The following CALN1 variants were observed in gnomAD, a reference collection of about 807,000 sequenced individuals.
CALN1 encodes the protein calcium-binding protein 8.
Under a neutral mutation model 30.6 loss-of-function variants are expected in CALN1, and 17 were observed. The ratio of observed to expected loss-of-function variants is 0.56; its 90% CI spans 0.38 to 0.83. The LOEUF is 0.83. CALN1 is among the 40% of genes least tolerant of loss of function. The pLI is 0.00. For missense variants in CALN1, 291 were observed against 354.9 expected, an observed-to-expected ratio of 0.82 and a Z score of 1.45; for synonymous variants, 156 against 131.4, an observed-to-expected ratio of 1.19 and a Z score of -1.28.
rs76607882 is a variant in CALN1, at chr7:72,412,127, T to G, written c.-143A>C. 6.6e-6 allele frequency: 1 copy of G among 152,592 alleles called. No individual in the cohort carries two copies. The highest frequency in any genetic ancestry group is 1.9e-4 in the South Asian group (1 of 5,164). The allele number at this position is 152,592 out of a possible 1,614,324, so 9.5% of individuals were successfully genotyped here. ...GACTTTAAGAATAAAACCACGGACC[T>G]CGCGGTGAGTGTTACAGCTCTTAAA... On this transcript the variant is annotated 5_prime_UTR_variant, in exon 1 of 7. Transcript: ENST00000395275.
At chr7:72,177,682 T>C (rs770502352) in intron 3 of CALN1, among the ~76,000 whole-genome samples, 1 of 150,946 alleles carries the variant, frequency 6.6e-6, no homozygotes, top group Admixed American at 6.6e-5. Context: ...GGAGGATCAC[T>C]TGAACCTGAG....
chr7:72,476,044 G>T, the CALN1 span, among the ~76,000 whole-genome samples: 1 of 148,862 alleles, frequency 6.7e-6, no homozygotes, highest in East Asian at 2.0e-4. Context: ...TGCCTCCCGG[G>T]TTCAAGAGAT....
upstream of CALN1, among the ~76,000 whole-genome samples, chr7:72,449,767 C>G (rs1035530326): frequency 6.6e-6 from 1 of 150,398 alleles, no homozygotes; most frequent in Non-Finnish European, 1.5e-5. Context: ...CCCAGCTACT[C>G]AGGAGGCTGA....
At chr7:72,380,332 T>A (rs747880323) in intron 2 of CALN1, among the ~76,000 whole-genome samples, 6 of 152,158 alleles carry the variant, frequency 3.9e-5, no homozygotes, top group Non-Finnish European at 8.8e-5. Flanking sequence ...AAGAGCCTAT[T>A]CCATCTTAAG....
chr7:71,839,831 C>T (rs1789829320), intron 5 of CALN1, among the ~76,000 whole-genome samples: 1 of 152,162 alleles, frequency 6.6e-6, no homozygotes. Flanking sequence ...CCTTCCCTGA[C>T]CTAGCATCAC....
At chr7:72,073,907 T>A (rs1804564507) in intron 4 of CALN1, among the ~76,000 whole-genome samples, 1 of 152,156 alleles carries the variant, frequency 6.6e-6, no homozygotes, top group Admixed American at 6.6e-5. Flanking sequence ...GTTGTCCAGG[T>A]CAGTCTTGAA....
intron 5 of CALN1, among the ~76,000 whole-genome samples, chr7:71,832,826 G>A (rs887249528): frequency 6.0e-5 from 9 of 149,714 alleles, no homozygotes; most frequent in Admixed American, 5.4e-4. Flanking sequence ...GGCTGGTCTC[G>A]AACTCCTGAG....
chr7:72,092,053 T>A (rs1282967038), intron 4 of CALN1, among the ~76,000 whole-genome samples: 1 of 152,204 alleles, frequency 6.6e-6, no homozygotes, highest in Non-Finnish European at 1.5e-5. Context: ...TATCAAGTAT[T>A]CTTTTTAAAA....
At chr7:71,989,530 G>C (rs1039198131) in intron 5 of CALN1, among the ~76,000 whole-genome samples, 5 of 151,796 alleles carry the variant, frequency 3.3e-5, no homozygotes, top group African/African-American at 1.2e-4. Context: ...CCGTGTGTCT[G>C]AGAAACGATG....
chr7:72,295,319 TACTTA>T (rs1270706117), intron 2 of CALN1, among the ~76,000 whole-genome samples: 1 of 149,960 alleles, frequency 6.7e-6, no homozygotes, highest in African/African-American at 2.5e-5. Flanking sequence ...ACAAAAACAA[TACTTA>T]TTTTTTTTAA....
intron 5 of CALN1, among the ~76,000 whole-genome samples, chr7:71,937,237 G>T (rs1210587693): frequency 6.6e-6 from 1 of 151,948 alleles, no homozygotes; most frequent in Non-Finnish European, 1.5e-5. Flanking sequence ...TTGAACCCGG[G>T]AGACAGAGGT....
At chr7:72,328,158 G>A (rs1054791814) in intron 2 of CALN1, among the ~76,000 whole-genome samples, 1 of 151,808 alleles carries the variant, frequency 6.6e-6, no homozygotes, top group Non-Finnish European at 1.5e-5. Context: ...AATGTCTTAA[G>A]CACAAAACAG....
rs1472522294 is a variant in CALN1, at chr7:72,412,147, C to T, written c.-163G>A. ...GGACCTCGCGGTGAGTGTTACAGCT[C>T]TTAAAGATGGCGCGTCCGGAGTCGT... On this transcript the variant is annotated 5_prime_UTR_variant, in exon 1 of 7. Coordinates refer to ENST00000395275, the MANE Select transcript of CALN1 (RefSeq NM_031468.4). The T allele has an allele frequency of 1.3e-5, 2 of 152,684 alleles. No homozygotes were observed. The highest frequency in any genetic ancestry group is 2.4e-5 in the African/African-American group (1 of 41,348). The allele number at this position is 152,684 out of a possible 1,614,324, so 9.5% of individuals were successfully genotyped here. A position where few individuals can be genotyped will look rare whatever the true frequency, so the allele number is the denominator to read the frequency against.
chr7:72,501,833 C>G, the CALN1 span, among the ~76,000 whole-genome samples: 105 of 143,968 alleles, frequency 7.3e-4, no homozygotes, highest in African/African-American at 2.7e-3. Context: ...CGCTTGAAAC[C>G]AGGAGGTGGA....
rs1585539741 is a variant in CALN1, at chr7:72,340,931, C to T, written c.120-62121G>A. Among the ~76,000 whole-genome samples, 3 of 152,172 alleles carry T rather than the reference C, an allele frequency of 2.0e-5. No homozygotes were observed. The East Asian group carries it at 5.8e-4, about 29-fold the overall frequency. ...TGTGTCTGTGCCTTTGGCCTTCCCC[C>T]GTGATTGTGAGGCCTCCCCAGCCAT... On this transcript the variant is annotated intron_variant, in intron 2 of 6. Coordinates refer to ENST00000395275, the MANE Select transcript of CALN1 (RefSeq NM_031468.4).
At chr7:72,179,650 A>G (rs180740758) in intron 3 of CALN1, among the ~76,000 whole-genome samples, 1 of 152,322 alleles carries the variant, frequency 6.6e-6, no homozygotes, top group Non-Finnish European at 1.5e-5. Context: ...CTTGCTCAAA[A>G]TGACAGATAA....
intron 2 of CALN1, among the ~76,000 whole-genome samples, chr7:72,306,887 T>A (rs1799692794): frequency 6.6e-6 from 1 of 152,148 alleles, no homozygotes; most frequent in African/African-American, 2.4e-5. Context: ...TCAGAATAAA[T>A]CTTTTCAGGT....
intron 5 of CALN1, among the ~76,000 whole-genome samples, chr7:71,881,093 C>G (rs754186725): frequency 1.3e-5 from 2 of 152,214 alleles, no homozygotes; most frequent in Non-Finnish European, 2.9e-5. Context: ...CGGAATTCAT[C>G]TTTCTCCCGT....
At chr7:72,349,323 T>TGTGTGTGTGTGTGTGTGTG (rs1802808476) in intron 2 of CALN1, among the ~76,000 whole-genome samples, 1 of 121,596 alleles carries the variant, frequency 8.2e-6, no homozygotes, top group African/African-American at 3.0e-5. Flanking sequence ...TGTGTGTGTG[T>TGTGTGTGTGTGTGTGTGTG]TGGGAAGGTT....
Sources: gnomAD v4.1 joint callset for allele counts (sites outside exome capture counted in the v4.1 genomes callset) on GRCh38, gnomAD v4.1.1 for gene constraint, MANE v1.5 for transcripts, NCBI Gene and HGNC (gene_info 2026-07-23, HGNC 2026-07-21) for gene names.